PHACTR1: variants seen among roughly 807,000 people sequenced by gnomAD.
PHACTR1 encodes the protein RPEL repeat containing 1.
Under a neutral mutation model 69.2 loss-of-function variants are expected in PHACTR1, and 16 were observed. The observed-to-expected ratio is 0.23, with a 90% CI of 0.16 to 0.35. The LOEUF (loss-of-function observed/expected upper bound fraction) is 0.35, where lower values mean the gene tolerates loss of function less well. Among genes scored for constraint, PHACTR1 ranks in the 10% least tolerant of loss-of-function variants. The pLI, the probability that PHACTR1 is intolerant of heterozygous loss-of-function variation, is 1.00. For missense variants in PHACTR1, 510 were observed against 734.7 expected (o/e 0.69, Z 3.54); for synonymous variants, 312 against 284.5 (o/e 1.10, Z -0.97).
At position 13,106,576 on chromosome 6, in the gene PHACTR1, C is replaced by T. The variant is rs149355283; in HGVS notation, c.415+53047C>T. On this transcript the variant is annotated intron_variant, in intron 5 of 14. Coordinates refer to ENST00000332995, the MANE Select transcript of PHACTR1 (RefSeq NM_030948.6). The stretch of plus-strand genomic sequence containing the variant: ...TCACTGCAGCCTTGACCTCCAGGTT[C>T]AAGCAATCCTCCCAACTCAGCCTCC... 4.0e-3 allele frequency among the ~76,000 whole-genome samples: 616 copies of T among 152,260 alleles called. 3 individuals carry two copies. The highest frequency in any genetic ancestry group is 0.014 in the African/African-American group (589 of 41,548).
At chr6:13,259,098 G>A (rs569952931) in intron 10 of PHACTR1, among the ~76,000 whole-genome samples, 2 of 152,166 alleles carry the variant, frequency 1.3e-5, no homozygotes, top group Non-Finnish European at 2.9e-5. Context: ...GCATCACAAT[G>A]TTTTGGCACT....
chr6:12,973,334 G>A (rs963892828), intron 4 of PHACTR1, among the ~76,000 whole-genome samples: 15 of 151,818 alleles, frequency 9.9e-5, no homozygotes, highest in African/African-American at 3.1e-4. Flanking sequence ...TCCTCCACTC[G>A]AAATTTTAGA....
chr6:13,212,301 G>C (rs1766970975), intron 8 of PHACTR1, among the ~76,000 whole-genome samples: 1 of 152,180 alleles, frequency 6.6e-6, no homozygotes. Context: ...AAATGCTTCT[G>C]TCGCTGTCCA....
At chr6:12,743,231 T>C (rs1366457121) in intron 3 of PHACTR1, among the ~76,000 whole-genome samples, 2 of 149,484 alleles carry the variant, frequency 1.3e-5, no homozygotes, top group African/African-American at 2.5e-5. Context: ...CTGATGACAC[T>C]AGAATCTAAT....
At chr6:13,220,591 G>A (rs1195101788) in intron 8 of PHACTR1, among the ~76,000 whole-genome samples, 1 of 152,172 alleles carries the variant, frequency 6.6e-6, no homozygotes, top group Non-Finnish European at 1.5e-5. Context: ...CACAGTCCTG[G>A]AATGAAGGCC....
chr6:13,094,118 C>T (rs940711792), intron 5 of PHACTR1, among the ~76,000 whole-genome samples: 3 of 152,046 alleles, frequency 2.0e-5, no homozygotes, highest in Non-Finnish European at 2.9e-5. Context: ...AGGGCTCAAG[C>T]AGTCCTCCCG....
At chr6:12,745,270 T>C (rs1423215963) in intron 3 of PHACTR1, among the ~76,000 whole-genome samples, 1 of 152,198 alleles carries the variant, frequency 6.6e-6, no homozygotes, top group African/African-American at 2.4e-5. Flanking sequence ...GGGCTGCTTC[T>C]TTTTCTTTGG....
chr6:13,286,944 G>A, intron 14 of PHACTR1, 119 bp from the exon 15 acceptor site: 1 of 1,071,580 alleles, frequency 9.3e-7, no homozygotes, highest in Non-Finnish European at 1.4e-6. Flanking sequence ...GGGGATGACG[G>A]TGGGAAGCTC....
At chr6:12,959,191 A>AAAAAG (rs546965912) in intron 4 of PHACTR1, among the ~76,000 whole-genome samples, 1 of 109,004 alleles carries the variant, frequency 9.2e-6, no homozygotes, top group Non-Finnish European at 1.8e-5. Context: ...AAAAAAAAAA[A>AAAAAG]AAAAGAAAAG....
chr6:12,767,320 G>C (rs1768757010), intron 4 of PHACTR1, among the ~76,000 whole-genome samples: 1 of 152,170 alleles, frequency 6.6e-6, no homozygotes, highest in Non-Finnish European at 1.5e-5. Context: ...GCTCTCCTCA[G>C]CACCATTACT....
intron 5 of PHACTR1, among the ~76,000 whole-genome samples, chr6:13,156,842 A>T (rs963000115): frequency 5.3e-5 from 8 of 152,028 alleles, no homozygotes; most frequent in Non-Finnish European, 1.0e-4. Context: ...CCAAGCTTTA[A>T]CATCTAGTTG....
intron 4 of PHACTR1, among the ~76,000 whole-genome samples, chr6:12,935,463 C>G (rs372420539): frequency 1.3e-5 from 2 of 151,986 alleles, no homozygotes; most frequent in East Asian, 3.9e-4. Flanking sequence ...AGGCTGGTCT[C>G]GAACTTTTGA....
intron 4 of PHACTR1, among the ~76,000 whole-genome samples, chr6:12,906,273 G>A (rs910200568): frequency 6.6e-6 from 1 of 152,142 alleles, no homozygotes; most frequent in Non-Finnish European, 1.5e-5. Flanking sequence ...AAACATTTCA[G>A]AATTGATACT....
At chr6:13,201,224 C>T (rs1013672239) in intron 7 of PHACTR1, among the ~76,000 whole-genome samples, 2 of 152,118 alleles carry the variant, frequency 1.3e-5, no homozygotes, top group African/African-American at 2.4e-5. Flanking sequence ...AATTCACTGG[C>T]GCTGCTGACC....
chr6:13,089,989 A>AAATGCCAGAAGCTAAGTAG (rs1812961710), intron 5 of PHACTR1, among the ~76,000 whole-genome samples: 3 of 152,230 alleles, frequency 2.0e-5, no homozygotes, highest in Non-Finnish European at 4.4e-5. Context: ...AGGTAAGCCG[A>AAATGCCAGAAGCTAAGTAG]AATGCCAGAA....
intron 4 of PHACTR1, among the ~76,000 whole-genome samples, chr6:13,046,068 T>A (rs780351206): frequency 2.0e-4 from 31 of 152,286 alleles, no homozygotes; most frequent in Non-Finnish European, 3.5e-4. Context: ...GATAAGCAAC[T>A]CTCTCAATGT....
At chr6:12,746,459 C>A (rs1399564453) in intron 3 of PHACTR1, among the ~76,000 whole-genome samples, 1 of 152,086 alleles carries the variant, frequency 6.6e-6, no homozygotes, top group Non-Finnish European at 1.5e-5. Flanking sequence ...ATTGCTTGAG[C>A]CTGGGGAGGT....
chr6:13,219,059 C>A (rs1169262780), intron 8 of PHACTR1, among the ~76,000 whole-genome samples: 1 of 152,078 alleles, frequency 6.6e-6, no homozygotes, highest in Non-Finnish European at 1.5e-5. Context: ...TTGGTGGGAA[C>A]AAGACCAAGG....
chr6:12,989,975 T>A (rs1796628893), intron 4 of PHACTR1, among the ~76,000 whole-genome samples: 1 of 152,170 alleles, frequency 6.6e-6, no homozygotes, highest in Non-Finnish European at 1.5e-5. Flanking sequence ...GAGCACAGTG[T>A]TTACAGGTAA....
Sources: allele counts gnomAD v4.1 joint callset (sites outside exome capture counted in the v4.1 genomes callset), GRCh38; gene constraint gnomAD v4.1.1; transcripts MANE v1.5; gene names NCBI Gene and HGNC (gene_info 2026-07-23, HGNC 2026-07-21).